Variants in TCF7L2 observed in about 807,000 individuals in gnomAD.
TCF7L2 encodes transcription factor 7-like 2.
In TCF7L2, 23 loss-of-function variants were observed where a neutral mutation model predicts 77.9. The observed-to-expected ratio is 0.30, with a 90% CI of 0.21 to 0.42. TCF7L2 has a LOEUF of 0.42. Among genes scored for constraint, TCF7L2 ranks in the 10% least tolerant of loss-of-function variants. The pLI is 1.00. For missense variants in TCF7L2, 654 were observed against 793.1 expected (o/e 0.82, Z 2.11); for synonymous variants, 413 against 340.2 (o/e 1.21, Z -2.36).
rs2137665719 is a variant in TCF7L2 at position 113,166,592 on chromosome 10, CAACACTT to C, written c.*623_*629del. ...TCTTTTGGGGGGAGGGGACGCTACT[CAACACTT>C]AATAGAATCACAACGCTGTTGGGCC... is the stretch of plus-strand genomic sequence containing the variant. On this transcript the variant is annotated 3_prime_UTR_variant, in exon 14 of 14. Transcript: ENST00000627217. 4.4e-6 allele frequency: 1 copy of C among 228,632 alleles called. No homozygotes were observed. The highest frequency in any genetic ancestry group is 1.8e-4 in the South Asian group (1 of 5,468). The allele number at this position is 228,632 out of a possible 1,614,324, so 14.2% of individuals were successfully genotyped here.
chr10:113,059,304 C>A (rs893052168), intron 5 of TCF7L2, among the ~76,000 whole-genome samples: 5 of 152,044 alleles, frequency 3.3e-5, no homozygotes, highest in Non-Finnish European at 7.4e-5. Context: ...TAAAAACATG[C>A]GGCTTTCAAG....
At position 113,166,103 on chromosome 10, in the gene TCF7L2, A is replaced by G. The variant is rs1376244249; in HGVS notation, c.*131A>G. The G allele has an allele frequency of 6.6e-6, 5 of 753,754 alleles. No homozygotes were observed. The African/African-American group carries it at 1.1e-4, about 16-fold the overall frequency. The allele number at this position is 753,754 out of a possible 1,614,324, so 46.7% of individuals were successfully genotyped here. A position where few individuals can be genotyped will look rare whatever the true frequency, so the allele number is the denominator to read the frequency against. On this transcript the variant is annotated 3_prime_UTR_variant, in exon 14 of 14. Transcript: ENST00000627217. Reference sequence around the variant, plus strand: ...TTGTGCCATGTGGCTACATTAGTTGATGTTTATCGAGTTCATTGGTCAATA... The same window carrying G: ...TTGTGCCATGTGGCTACATTAGTTGGTGTTTATCGAGTTCATTGGTCAATA...
At chr10:113,155,335 T>C (rs2071635574) in intron 11 of TCF7L2, among the ~76,000 whole-genome samples, 1 of 152,214 alleles carries the variant, frequency 6.6e-6, no homozygotes, top group African/African-American at 2.4e-5. Flanking sequence ...TGCCATTTGC[T>C]CACCTGAGTT....
chr10:113,071,489 T>C (rs1373867204), intron 5 of TCF7L2, among the ~76,000 whole-genome samples: 1 of 152,066 alleles, frequency 6.6e-6, no homozygotes, highest in Non-Finnish European at 1.5e-5. Context: ...TCCAGGGGAA[T>C]TTCAGGAAAC....
intron 4 of TCF7L2, among the ~76,000 whole-genome samples, chr10:112,996,681 C>T (rs907230237): frequency 6.6e-6 from 1 of 152,166 alleles, no homozygotes; most frequent in Admixed American, 6.5e-5. Flanking sequence ...GCTGGTGAAG[C>T]CTGAAGGCCA....
chr10:113,025,540 T>C (rs577700769), intron 4 of TCF7L2, among the ~76,000 whole-genome samples: 1 of 151,908 alleles, frequency 6.6e-6, no homozygotes, highest in Admixed American at 6.6e-5. Flanking sequence ...TGCCCAGCCT[T>C]GGCTAATTTT....
At chr10:113,066,019 T>G (rs1432063853) in intron 5 of TCF7L2, among the ~76,000 whole-genome samples, 2 of 152,190 alleles carry the variant, frequency 1.3e-5, no homozygotes, top group Non-Finnish European at 2.9e-5. Context: ...GCATGAGAAT[T>G]ACTGTTTGCA....
chr10:113,050,277 C>T (rs930268105), intron 5 of TCF7L2, among the ~76,000 whole-genome samples: 1 of 152,142 alleles, frequency 6.6e-6, no homozygotes, highest in Non-Finnish European at 1.5e-5. Context: ...CTGTGTTGCT[C>T]AGGTGCTGGG....
chr10:113,061,022 A>G (rs549353931), intron 5 of TCF7L2, among the ~76,000 whole-genome samples: 1 of 152,176 alleles, frequency 6.6e-6, no homozygotes, highest in African/African-American at 2.4e-5. Flanking sequence ...TCACAGATAC[A>G]AGAGGTCTTG....
intron 13 of TCF7L2, among the ~76,000 whole-genome samples, chr10:113,164,768 G>GT (rs935227595): frequency 6.7e-6 from 1 of 149,230 alleles, no homozygotes; most frequent in African/African-American, 2.5e-5. Context: ...TTTTTGTTTC[G>GT]TTTTTTGTTT....
At chr10:113,063,893 C>T (rs932838929) in intron 5 of TCF7L2, among the ~76,000 whole-genome samples, 27 of 147,160 alleles carry the variant, frequency 1.8e-4, no homozygotes, top group Admixed American at 8.1e-4. Context: ...ATGGATGTGG[C>T]GTGTGTGTGT....
intron 5 of TCF7L2, among the ~76,000 whole-genome samples, chr10:113,135,940 C>T (rs2067324309): frequency 6.6e-6 from 1 of 151,910 alleles, no homozygotes; most frequent in Non-Finnish European, 1.5e-5. Context: ...GGAAGGTTGG[C>T]CCAGGCTGAT....
At chr10:113,164,631 T>G (rs2073776623) in intron 13 of TCF7L2, among the ~76,000 whole-genome samples, 1 of 152,086 alleles carries the variant, frequency 6.6e-6, no homozygotes, top group Non-Finnish European at 1.5e-5. Context: ...GAATCTTAAT[T>G]TAATCCACAA....
At chr10:113,106,336 G>A (rs1171723307) in intron 5 of TCF7L2, among the ~76,000 whole-genome samples, 1 of 152,218 alleles carries the variant, frequency 6.6e-6, no homozygotes, top group Non-Finnish European at 1.5e-5. Context: ...TCAAGCAATC[G>A]TGTGTAGCCA....
intron 4 of TCF7L2, among the ~76,000 whole-genome samples, chr10:112,965,061 G>A (rs1347883470): frequency 6.6e-6 from 1 of 152,022 alleles, no homozygotes; most frequent in Non-Finnish European, 1.5e-5. Flanking sequence ...GGGGAGAGGT[G>A]GGAGAGGAGG....
chr10:113,007,175 G>A (rs2045701587), intron 4 of TCF7L2, among the ~76,000 whole-genome samples: 2 of 152,212 alleles, frequency 1.3e-5, no homozygotes, highest in South Asian at 4.1e-4. Context: ...GAAGGATCAT[G>A]GGGTAGCATC....
chr10:112,983,091 CT>C (rs2040784741), intron 4 of TCF7L2, among the ~76,000 whole-genome samples: 2 of 151,258 alleles, frequency 1.3e-5, no homozygotes, highest in African/African-American at 4.9e-5. Context: ...AATTTGTGGC[CT>C]TTTGGTTGTA....
chr10:113,125,043 A>G (rs1030764600), intron 5 of TCF7L2, among the ~76,000 whole-genome samples: 1 of 152,116 alleles, frequency 6.6e-6, no homozygotes, highest in African/African-American at 2.4e-5. Flanking sequence ...GAATAAAGTG[A>G]GAGAGACAGT....
At chr10:113,144,136 G>GTGTGTGTA (rs1491035883) in intron 7 of TCF7L2, 111 bp downstream of exon 7, 1 of 815,638 alleles carries the variant, frequency 1.2e-6, no homozygotes, top group African/African-American at 1.9e-5. Context: ...GTGTGTGTGT[G>GTGTGTGTA]TATGTGTGTG....
Sources: allele counts gnomAD v4.1 joint callset (sites outside exome capture counted in the v4.1 genomes callset), GRCh38; gene constraint gnomAD v4.1.1; transcripts MANE v1.5; gene names NCBI Gene and HGNC (gene_info 2026-07-23, HGNC 2026-07-21).